FAM120C: variants seen among roughly 807,000 people sequenced by gnomAD.
FAM120C encodes constitutive coactivator of PPAR-gamma-like protein 2.
In FAM120C, 14 loss-of-function variants were observed where a neutral mutation model predicts 71.2. The ratio of observed to expected loss-of-function variants is 0.20; its 90% CI spans 0.13 to 0.31. The LOEUF is 0.31. FAM120C is among the 10% of genes least tolerant of loss of function. The probability of loss-of-function intolerance (pLI) is 1.00; values close to 1 mark genes in which losing one functional copy is unlikely to be tolerated. For missense variants in FAM120C, 500 were observed against 879.0 expected (o/e 0.57, Z 5.45); for synonymous variants, 354 against 353.2 (o/e 1.00, Z -0.03).
chrX:54,174,371 C>T (rs2067305080), intron 1 of FAM120C, among the ~76,000 whole-genome samples: 1 of 111,272 alleles, frequency 9.0e-6, no homozygotes, highest in South Asian at 3.8e-4. Context: ...TCATTGGGAG[C>T]CACTGTAGAA....
chrX:54,113,197 C>T (rs925078315), intron 10 of FAM120C, among the ~76,000 whole-genome samples: 2 of 111,476 alleles, frequency 1.8e-5, no homozygotes, highest in African/African-American at 3.3e-5. Context: ...GGCGGTGGCT[C>T]ACACCTGTAA....
At chrX:54,131,847 C>T (rs782569300) in intron 9 of FAM120C, among the ~76,000 whole-genome samples, 3 of 109,169 alleles carry the variant, frequency 2.7e-5, no homozygotes, top group Non-Finnish European at 5.7e-5. Flanking sequence ...CTGCAAGCTC[C>T]GCCTCCCAGG....
intron 4 of FAM120C, among the ~76,000 whole-genome samples, chrX:54,137,172 C>T (rs904344512): frequency 2.7e-5 from 3 of 110,890 alleles, no homozygotes; most frequent in East Asian, 2.8e-4. Context: ...AGGCTGGTCT[C>T]GAACTCCTGA....
intron 1 of FAM120C, among the ~76,000 whole-genome samples, chrX:54,172,068 T>C (rs1369416921): frequency 8.9e-6 from 1 of 112,540 alleles, no homozygotes; most frequent in Non-Finnish European, 1.9e-5. Context: ...GCCAAATGAG[T>C]TTCCCAAAGG....
chrX:54,157,498 G>T (rs1186156597), intron 3 of FAM120C, among the ~76,000 whole-genome samples, 191 bp downstream of exon 3: 2 of 111,521 alleles, frequency 1.8e-5, no homozygotes, highest in Non-Finnish European at 3.8e-5. Flanking sequence ...CAGGTGATCT[G>T]CCCACCTCGG....
intron 10 of FAM120C, among the ~76,000 whole-genome samples, chrX:54,097,685 A>G (rs2066859102): frequency 1.8e-5 from 2 of 111,092 alleles, no homozygotes; most frequent in Non-Finnish European, 3.8e-5. Flanking sequence ...TCTCCTTTTT[A>G]TATCTTCTTT....
At chrX:54,086,522 G>C (rs1481816515) in intron 12 of FAM120C, among the ~76,000 whole-genome samples, 1 of 111,538 alleles carries the variant, frequency 9.0e-6, no homozygotes, top group African/African-American at 3.3e-5. Context: ...GGGAGGCCAA[G>C]GCAGGTGGAT....
At chrX:54,075,382 G>C (rs1475318888) in intron 15 of FAM120C, among the ~76,000 whole-genome samples, 4 of 111,909 alleles carry the variant, frequency 3.6e-5, no homozygotes, top group Admixed American at 9.6e-5. Context: ...GGCTTACTGT[G>C]AAGTATTGTC....
chrX:54,148,811 G>C (rs1169092711), intron 4 of FAM120C, among the ~76,000 whole-genome samples: 1 of 111,850 alleles, frequency 8.9e-6, no homozygotes, highest in Non-Finnish European at 1.9e-5. Flanking sequence ...ATTACTAAAA[G>C]AGTAGATTTT....
intron 3 of FAM120C, among the ~76,000 whole-genome samples, chrX:54,151,775 A>C (rs2067185202): frequency 8.9e-6 from 1 of 111,805 alleles, no homozygotes; most frequent in African/African-American, 3.2e-5. Context: ...CTGGATATTA[A>C]GATGATACCA....
chrX:54,083,780 C>T (rs1230398496), intron 13 of FAM120C, among the ~76,000 whole-genome samples: 5 of 111,075 alleles, frequency 4.5e-5, no homozygotes, highest in Non-Finnish European at 9.4e-5. Flanking sequence ...TGCAGTGGCT[C>T]GATCTTGGCT....
chrX:54,072,001 C>CAT lies in FAM120C; in HGVS notation c.*1030_*1031dup, dbSNP rs1181737987. On this transcript the variant is annotated 3_prime_UTR_variant, in exon 16 of 16. Coordinates refer to ENST00000375180, the MANE Select transcript of FAM120C (RefSeq NM_017848.6). ...ATATGTGTGTATATATATATACACA[C>CAT]ATATATACACACATACACACACACT... 43 of 102,573 alleles carry CAT rather than the reference C, an allele frequency of 4.2e-4. No homozygotes were observed. Among genetic ancestry groups the CAT allele is most frequent in the African/African-American group, 1.3e-3 (37 of 28,033 alleles). 8.5% of individuals were successfully genotyped at this position (102,573 alleles called of 1,213,427 possible).
At chrX:54,180,913 A>G (rs1253301162) in intron 1 of FAM120C, among the ~76,000 whole-genome samples, 1 of 111,552 alleles carries the variant, frequency 9.0e-6, no homozygotes, top group African/African-American at 3.3e-5. Flanking sequence ...ACGAGGTTAA[A>G]AAGTCCTTAA....
chrX:54,167,702 C>G (rs2067266837), intron 1 of FAM120C, among the ~76,000 whole-genome samples: 1 of 109,205 alleles, frequency 9.2e-6, no homozygotes, highest in Non-Finnish European at 1.9e-5. Context: ...TGTGGTGGCT[C>G]ATGCCTGTAA....
chrX:54,146,718 C>G (rs898361521), intron 4 of FAM120C, among the ~76,000 whole-genome samples: 2 of 111,575 alleles, frequency 1.8e-5, no homozygotes, highest in African/African-American at 6.5e-5. Flanking sequence ...GGTGGAATCA[C>G]TAACCAATTT....
At chrX:54,124,168 TTTTG>T (rs1420677683) in intron 9 of FAM120C, among the ~76,000 whole-genome samples, 1 of 8,605 alleles carries the variant, frequency 1.2e-4, no homozygotes, top group East Asian at 2.4e-3. Flanking sequence ...ACTGCTGTCT[TTTTG>T]TTTGTCTGTG....
intron 10 of FAM120C, among the ~76,000 whole-genome samples, chrX:54,102,926 G>A (rs868987170): frequency 1.8e-5 from 2 of 110,163 alleles, no homozygotes; most frequent in African/African-American, 6.6e-5. Context: ...CACCATGTTG[G>A]CCAGGATGGT....
At chrX:54,085,629 G>T in intron 13 of FAM120C, 86 bp downstream of exon 13, 1 of 880,768 alleles carries the variant, frequency 1.1e-6, no homozygotes, top group Non-Finnish European at 1.6e-6. Context: ...ATGTGAAACT[G>T]TTGATCCTGT....
rs2066696150 is a variant in FAM120C, at chrX:54,068,641, T to C, written c.*4392A>G. On this transcript the variant is annotated 3_prime_UTR_variant, in exon 16 of 16. Coordinates refer to ENST00000375180, the MANE Select transcript of FAM120C (RefSeq NM_017848.6). ...ACTGTCAAAAGCACAGGAGAGGAGA[T>C]AGTAATACAGGAAAAAAACAATGAA... 1 of 111,615 alleles carries C rather than the reference T, an allele frequency of 9.0e-6. No homozygotes were observed. The highest frequency in any genetic ancestry group is 3.3e-5 in the African/African-American group (1 of 30,698). 9.2% of individuals were successfully genotyped at this position (111,615 alleles called of 1,213,427 possible). A position where few individuals can be genotyped will look rare whatever the true frequency, so the allele number is the denominator to read the frequency against.
Sources: allele counts gnomAD v4.1 joint callset (sites outside exome capture counted in the v4.1 genomes callset), GRCh38; gene constraint gnomAD v4.1.1; transcripts MANE v1.5; gene names NCBI Gene and HGNC (gene_info 2026-07-23, HGNC 2026-07-21).